The following APBB1IP variants were observed in gnomAD, a reference collection of about 807,000 sequenced individuals.
APBB1IP encodes the protein amyloid beta A4 precursor protein-binding family B member 1-interacting protein.
In APBB1IP, 27 loss-of-function variants were observed where a neutral mutation model predicts 64.9. The observed-to-expected ratio is 0.42, with a 90% CI of 0.31 to 0.57. APBB1IP has a LOEUF of 0.57. Among genes scored for constraint, APBB1IP ranks in the 20% least tolerant of loss-of-function variants. APBB1IP has a pLI of 0.20. For synonymous variants in APBB1IP, 392 were observed against 331.0 expected (o/e 1.18, Z -2.00); for missense variants, 812 against 845.5 (o/e 0.96, Z 0.49).
intron 13 of APBB1IP, among the ~76,000 whole-genome samples, chr10:26,561,320 A>G (rs1436466336): frequency 6.7e-6 from 1 of 149,746 alleles, no homozygotes; most frequent in East Asian, 2.0e-4. Context: ...CACCTGCCTC[A>G]GCCTCCCAAA....
At position 26,561,064 on chromosome 10, in the gene APBB1IP, C is replaced by CTTTCTTT. The variant is rs1218039459; in HGVS notation, c.1369+223_1369+224insCTTTTTT. Among the ~76,000 whole-genome samples, 194 of 69,260 alleles carry CTTTCTTT rather than the reference C, an allele frequency of 2.8e-3. 7 individuals are homozygous for CTTTCTTT. Among genetic ancestry groups the CTTTCTTT allele is most frequent in the Non-Finnish European group, 3.5e-3 (137 of 39,408 alleles). The allele number at this position is 69,260 out of a possible 152,430, so 45.4% of individuals were successfully genotyped here. ...CTTTTCTTTTTTTCTTTCTTTCTTT[C>CTTTCTTT]TTTTTTTTTTTTTTTTTTTTTTTTG... On this transcript the variant is annotated intron_variant, in intron 13 of 14. Coordinates refer to ENST00000376236, the MANE Select transcript of APBB1IP (RefSeq NM_019043.4).
chr10:26,469,402 G>A (rs2132413010), intron 2 of APBB1IP, among the ~76,000 whole-genome samples: 1 of 151,158 alleles, frequency 6.6e-6, no homozygotes, highest in East Asian at 1.9e-4. Context: ...TGAGATGACA[G>A]GCGTGCACCA....
intron 2 of APBB1IP, among the ~76,000 whole-genome samples, chr10:26,444,712 C>G (rs192889563): frequency 6.6e-6 from 1 of 152,236 alleles, no homozygotes; most frequent in Admixed American, 6.5e-5. Context: ...AGCAGGGTAA[C>G]CATTTGGGAA....
chr10:26,510,808 A>T (rs1836248100), intron 6 of APBB1IP, among the ~76,000 whole-genome samples: 1 of 151,584 alleles, frequency 6.6e-6, no homozygotes, highest in Non-Finnish European at 1.5e-5. Context: ...GTGCCTGCAA[A>T]ACAGCTTATT....
chr10:26,474,780 C>T (rs1303096199), intron 2 of APBB1IP, among the ~76,000 whole-genome samples: 5 of 152,224 alleles, frequency 3.3e-5, no homozygotes, highest in African/African-American at 1.2e-4. Flanking sequence ...AATTTTTCTA[C>T]ATCATTGCTC....
At chr10:26,464,586 G>A (rs928246789) in intron 2 of APBB1IP, among the ~76,000 whole-genome samples, 1 of 152,016 alleles carries the variant, frequency 6.6e-6, no homozygotes, top group African/African-American at 2.4e-5. Context: ...ACTTGTATGT[G>A]TGTGTGGAGA....
In APBB1IP at chr10:26,566,924, T is replaced by TAA. The variant is rs146314526; in HGVS notation, c.1474-28_1474-27dup. On this transcript the variant is annotated intron_variant, in intron 14 of 14. Transcript: ENST00000376236. ...ACAATAAATTTAAAATTTCAAAAAT[T>TAA]AAAAAAAAAATGAATGCTACTGCCA... is the stretch of plus-strand genomic sequence containing the variant. 5.6e-6 allele frequency: 8 copies of TAA among 1,428,382 alleles called. No individual in the cohort carries two copies. The African/African-American group carries it at 6.1e-5, about 11-fold the overall frequency. 88.5% of individuals were successfully genotyped at this position (1,428,382 alleles called of 1,614,324 possible).
At chr10:26,517,379 G>A (rs1444444452) in intron 8 of APBB1IP, among the ~76,000 whole-genome samples, 1 of 152,156 alleles carries the variant, frequency 6.6e-6, no homozygotes, top group Admixed American at 6.6e-5. Context: ...CATGATTCTA[G>A]CCTCTATCTC....
In APBB1IP at chr10:26,513,610, A is replaced by G; in HGVS notation, c.763A>G (p.Ile255Val). The change falls in exon 8 of 15, where the codon ATA (isoleucine) becomes GTA (valine). Residue 255 changes from isoleucine (I) to valine (V), a missense_variant. By Grantham distance (29) the Ile-to-Val change is conservative (BLOSUM62 3). Around this residue, in one of 3 missense-constraint regions of APBB1IP, gnomAD observed 394 missense variants for 413.1 expected, o/e 0.95. Transcript: ENST00000376236. ...SDWTRDTENK[I>V]LFLEKEEKYA... ...CTGGACAAGAGACACAGAAAATAAAATACTATTTTTGGAGAAAGAGGAGAA... is the reference window on the plus strand; with the variant it reads ...CTGGACAAGAGACACAGAAAATAAAGTACTATTTTTGGAGAAAGAGGAGAA... The G allele has an allele frequency of 6.2e-7, 1 of 1,613,222 alleles. No individual in the cohort carries two copies. The highest frequency in any genetic ancestry group is 8.5e-7 in the Non-Finnish European group (1 of 1,179,768).
At chr10:26,452,750 G>C (rs557309501) in intron 2 of APBB1IP, among the ~76,000 whole-genome samples, 1 of 152,184 alleles carries the variant, frequency 6.6e-6, no homozygotes, top group Admixed American at 6.5e-5. Context: ...GTGCAGTCTG[G>C]ACTTTCAGTG....
intron 2 of APBB1IP, among the ~76,000 whole-genome samples, chr10:26,443,904 G>A (rs1372362274): frequency 2.6e-5 from 4 of 152,132 alleles, no homozygotes; most frequent in East Asian, 1.9e-4. Context: ...TATTATAGAC[G>A]CAAGGAATGT....
intron 2 of APBB1IP, among the ~76,000 whole-genome samples, chr10:26,464,787 C>T (rs901689470): frequency 6.6e-6 from 1 of 152,198 alleles, no homozygotes; most frequent in African/African-American, 2.4e-5. Flanking sequence ...GTAAGTTACT[C>T]AACATCATGC....
At chr10:26,460,845 T>C (rs1315793722) in intron 2 of APBB1IP, among the ~76,000 whole-genome samples, 1 of 152,126 alleles carries the variant, frequency 6.6e-6, no homozygotes, top group East Asian at 1.9e-4. Flanking sequence ...TAATGGATGC[T>C]GGGGTAAAAG....
At chr10:26,540,008 G>A (rs1268461660) in intron 10 of APBB1IP, among the ~76,000 whole-genome samples, 1 of 152,096 alleles carries the variant, frequency 6.6e-6, no homozygotes, top group Non-Finnish European at 1.5e-5. Flanking sequence ...CGGCCAAACT[G>A]GGGGACAATT....
intron 8 of APBB1IP, among the ~76,000 whole-genome samples, chr10:26,516,825 A>G (rs866214295): frequency 6.6e-6 from 1 of 152,174 alleles, no homozygotes; most frequent in South Asian, 2.1e-4. Flanking sequence ...TCCTTTTGGC[A>G]GCGTGAACTG....
At chr10:26,536,550 C>G (rs1284741171) in intron 10 of APBB1IP, among the ~76,000 whole-genome samples, 3 of 150,476 alleles carry the variant, frequency 2.0e-5, no homozygotes, top group Non-Finnish European at 4.4e-5. Context: ...TTTCTTTTAT[C>G]TGGAATCATA....
In APBB1IP at chr10:26,511,758, G is replaced by A. The variant is rs1836263128; in HGVS notation, c.543G>A (p.Lys181=). 6.2e-7 allele frequency: 1 copy of A among 1,614,124 alleles called. No homozygotes were observed. Among genetic ancestry groups the A allele is most frequent in the Non-Finnish European group, 8.5e-7 (1 of 1,180,006 alleles). ...KEAKVKKLVV[K]VHMNDNSTKS... ...GGTTCTATCCTCAGCTCGTCGTCAA[G>A]GTGCACATGAATGATAACAGCACAA... The change falls in exon 7 of 15, where the codon AAG becomes AAA. Residue 181 remains lysine, a synonymous_variant. Transcript: ENST00000376236.
Position 26,533,408 on chromosome 10 carries a change from T to C in APBB1IP, c.814-31T>C, listed in dbSNP as rs779853793. On this transcript the variant is annotated intron_variant, in intron 8 of 14. Transcript: ENST00000376236. ...AGAGTCTAGTACGGTAATGAACACT[T>C]ACTGATCTGATCTTTTAACATTTTA... 2.8e-6 allele frequency: 4 copies of C among 1,417,244 alleles called. No homozygotes were observed. The South Asian group carries it at 3.7e-5, about 13-fold the overall frequency. 87.8% of individuals were successfully genotyped at this position (1,417,244 alleles called of 1,614,324 possible).
At chr10:26,519,246 G>A (rs371814100) in intron 8 of APBB1IP, among the ~76,000 whole-genome samples, 26 of 152,226 alleles carry the variant, frequency 1.7e-4, no homozygotes, top group African/African-American at 6.3e-4. Context: ...AGCCAAGATC[G>A]TGCCACTGCA....
Sources: gnomAD v4.1 joint callset for allele counts (sites outside exome capture counted in the v4.1 genomes callset) on GRCh38, gnomAD v4.1.1 for gene constraint, gnomAD v4.1.1 regional missense constraint, MANE v1.5 for transcripts, NCBI Gene and HGNC (gene_info 2026-07-23, HGNC 2026-07-21) for gene names.